Variants in KIAA1958 observed in about 807,000 individuals in gnomAD.
KIAA1958 encodes uncharacterized protein KIAA1958.
KIAA1958 carries 14 observed loss-of-function variants against 47.2 expected under a neutral mutation model. That is an observed-to-expected ratio of 0.30 (90% confidence interval 0.20 to 0.46). KIAA1958 has a LOEUF of 0.46. Among genes scored for constraint, KIAA1958 ranks in the 20% least tolerant of loss-of-function variants. The probability of loss-of-function intolerance (pLI) is 1.00; values close to 1 mark genes in which losing one functional copy is unlikely to be tolerated. For synonymous variants in KIAA1958, 354 were observed against 353.3 expected (o/e 1.00, Z -0.02); for missense variants, 803 against 909.2 (o/e 0.88, Z 1.50).
intron 2 of KIAA1958, among the ~76,000 whole-genome samples, chr9:112,613,548 C>T (rs1050140072): frequency 6.6e-6 from 1 of 151,966 alleles, no homozygotes; most frequent in African/African-American, 2.4e-5. Context: ...AATGAAAAGG[C>T]AAGCCACAGA....
intron 1 of KIAA1958, among the ~76,000 whole-genome samples, chr9:112,510,280 T>C (rs1344175742): frequency 2.0e-5 from 3 of 152,150 alleles, no homozygotes; most frequent in Admixed American, 6.5e-5. Context: ...ATTAAGTGAA[T>C]CAGATGTCAT....
At chr9:112,607,068 A>G in intron 2 of KIAA1958, among the ~76,000 whole-genome samples, 1 of 152,176 alleles carries the variant, frequency 6.6e-6, no homozygotes. Context: ...GCGTCAAGAG[A>G]CATGGGTGCC....
chr9:112,623,971 C>CT (rs953790457), intron 2 of KIAA1958, among the ~76,000 whole-genome samples: 1 of 152,144 alleles, frequency 6.6e-6, no homozygotes, highest in Non-Finnish European at 1.5e-5. Context: ...GACTGATTTT[C>CT]TTTATCTATA....
rs1047036335 is a variant in KIAA1958, at chr9:112,618,507, C to G, written c.1172-27143C>G. ...AAAACCAAGAGAGGGGGGACAGACT[C>G]CCGTGTGTATGCCACCCAGCACGCC... On this transcript the variant is annotated intron_variant, in intron 2 of 3. Coordinates refer to ENST00000337530, the MANE Select transcript of KIAA1958 (RefSeq NM_133465.4). The surrounding 1 kb of genome is among the most constrained non-coding windows in gnomAD (Gnocchi z 7.1). 1.3e-6 allele frequency: 2 copies of G among 1,550,710 alleles called. No homozygotes were observed. Among genetic ancestry groups the G allele is most frequent in the African/African-American group, 1.4e-5 (1 of 73,182 alleles).
At chr9:112,589,012 T>A (rs1029467128) in intron 2 of KIAA1958, among the ~76,000 whole-genome samples, 1 of 151,544 alleles carries the variant, frequency 6.6e-6, no homozygotes, top group Non-Finnish European at 1.5e-5. Context: ...ACTCTTAGGT[T>A]CAAGCAGTTC....
intron 2 of KIAA1958, among the ~76,000 whole-genome samples, chr9:112,586,947 A>G (rs1464529134): frequency 6.6e-6 from 1 of 152,174 alleles, no homozygotes; most frequent in Middle Eastern, 3.4e-3. Context: ...TGCCGTGTCT[A>G]TTTTCATTAG....
intron 2 of KIAA1958, 55 bp downstream of exon 2, chr9:112,575,306 G>A (rs1472180015): frequency 9.6e-6 from 12 of 1,246,856 alleles, no homozygotes; most frequent in Non-Finnish European, 1.3e-5. Flanking sequence ...AGAATTCTGC[G>A]CCGTCAGCAC....
chr9:112,648,921 A>C (rs985277671), intron 3 of KIAA1958, among the ~76,000 whole-genome samples: 2 of 152,234 alleles, frequency 1.3e-5, no homozygotes, highest in Non-Finnish European at 2.9e-5. Flanking sequence ...AACTAACTAG[A>C]TTATATAACT....
chr9:112,558,118 A>G (rs971490674), intron 1 of KIAA1958, among the ~76,000 whole-genome samples: 46 of 152,200 alleles, frequency 3.0e-4, no homozygotes, highest in African/African-American at 1.1e-3. Context: ...CCAGCTACTC[A>G]GGAGGCTGAG....
intron 3 of KIAA1958, among the ~76,000 whole-genome samples, chr9:112,658,587 A>T (rs892137773): frequency 2.0e-5 from 3 of 152,106 alleles, no homozygotes; most frequent in Admixed American, 2.0e-4. Context: ...CTATTTACAC[A>T]CCCTTTCACG....
intron 1 of KIAA1958, among the ~76,000 whole-genome samples, chr9:112,571,441 C>G (rs182244249): frequency 6.6e-6 from 1 of 152,144 alleles, no homozygotes; most frequent in African/African-American, 2.4e-5. Context: ...TTTTGTCTTT[C>G]AGGATTATGA....
At chr9:112,596,829 TAA>T (rs1836041550) in intron 2 of KIAA1958, among the ~76,000 whole-genome samples, 1 of 152,250 alleles carries the variant, frequency 6.6e-6, no homozygotes, top group Non-Finnish European at 1.5e-5. Flanking sequence ...AATTGATTAA[TAA>T]TACCTTTTTG....
At chr9:112,649,866 A>G (rs1479358559) in intron 3 of KIAA1958, among the ~76,000 whole-genome samples, 2 of 152,198 alleles carry the variant, frequency 1.3e-5, no homozygotes, top group South Asian at 2.1e-4. Context: ...TCCTTCAGCC[A>G]GAAGGAAAAT....
chr9:112,617,946 G>A (rs777057958), intron 2 of KIAA1958: 10 of 1,550,480 alleles, frequency 6.4e-6, no homozygotes. Flanking sequence ...ACCGCGCTCC[G>A]CAATTTCCGT....
chr9:112,558,377 A>C (rs1026750271), intron 1 of KIAA1958, among the ~76,000 whole-genome samples: 1 of 152,142 alleles, frequency 6.6e-6, no homozygotes, highest in African/African-American at 2.4e-5. Flanking sequence ...CAGAATATAC[A>C]TTCTAGAACT....
chr9:112,601,242 G>A (rs1836126669), intron 2 of KIAA1958, among the ~76,000 whole-genome samples: 1 of 152,132 alleles, frequency 6.6e-6, no homozygotes, highest in Admixed American at 6.5e-5. Context: ...TCATTATTTT[G>A]TCTAATAATA....
chr9:112,625,535 G>GCTTT (rs1480319029), intron 2 of KIAA1958, among the ~76,000 whole-genome samples: 1 of 152,116 alleles, frequency 6.6e-6, no homozygotes, highest in Non-Finnish European at 1.5e-5. Context: ...TAGGGTGTGA[G>GCTTT]CTTTCCCTTG....
At chr9:112,538,251 G>A (rs986589268) in intron 1 of KIAA1958, among the ~76,000 whole-genome samples, 4 of 152,060 alleles carry the variant, frequency 2.6e-5, no homozygotes, top group Admixed American at 1.3e-4. Context: ...AGGCTGAGGT[G>A]GATTGCTTGA....
intron 2 of KIAA1958, among the ~76,000 whole-genome samples, chr9:112,639,433 C>T (rs1216020422): frequency 6.6e-6 from 1 of 152,110 alleles, no homozygotes; most frequent in East Asian, 1.9e-4. Flanking sequence ...TCCTAGGACA[C>T]CCTCCTACAT....
Sources: allele counts gnomAD v4.1 joint callset (sites outside exome capture counted in the v4.1 genomes callset), GRCh38; gene constraint gnomAD v4.1.1; non-coding constraint Gnocchi (gnomAD v3.1); transcripts MANE v1.5; gene names NCBI Gene and HGNC (gene_info 2026-07-23, HGNC 2026-07-21).